Variants in YEATS4 observed in about 807,000 individuals in gnomAD.
The protein encoded by YEATS4 is YEATS domain-containing protein 4.
A neutral mutation model predicts 30.1 loss-of-function variants in YEATS4; 17 were observed. The ratio of observed to expected loss-of-function variants is 0.56; its 90% CI spans 0.39 to 0.85. YEATS4 has a LOEUF of 0.85. Among genes scored for constraint, YEATS4 ranks in the 40% least tolerant of loss-of-function variants. YEATS4 has a pLI of 0.00. For synonymous variants in YEATS4, 85 were observed against 87.5 expected, an observed-to-expected ratio of 0.97 and a Z score of 0.16; for missense variants, 142 against 268.3, an observed-to-expected ratio of 0.53 and a Z score of 3.29.
At chr12:69,425,901 T>C in the YEATS4 span, among the ~76,000 whole-genome samples, 1 of 152,204 alleles carries the variant, frequency 6.6e-6, no homozygotes, top group Non-Finnish European at 1.5e-5. Context: ...CCTGACTGAC[T>C]TCCTTTTTAC....
At chr12:69,371,857 C>G (rs755386776) in intron 6 of YEATS4, among the ~76,000 whole-genome samples, 1 of 152,152 alleles carries the variant, frequency 6.6e-6, no homozygotes, top group Non-Finnish European at 1.5e-5. Flanking sequence ...GTTTTAGATA[C>G]TGATATCAAA....
At chr12:69,413,791 G>T in the YEATS4 span, among the ~76,000 whole-genome samples, 1 of 150,254 alleles carries the variant, frequency 6.7e-6, no homozygotes, top group African/African-American at 2.5e-5. Context: ...AGCAGAGGTT[G>T]CAGTAAGCTG....
At chr12:69,388,089 G>A (rs537557544) in intron 6 of YEATS4, among the ~76,000 whole-genome samples, 4 of 148,450 alleles carry the variant, frequency 2.7e-5, no homozygotes, top group South Asian at 4.2e-4. Context: ...GCAGAGTCTC[G>A]CGCTGTCGCC....
chr12:69,426,546 CT>C, the YEATS4 span, among the ~76,000 whole-genome samples: 1 of 151,950 alleles, frequency 6.6e-6, no homozygotes, highest in African/African-American at 2.4e-5. Flanking sequence ...AATTTTTGTA[CT>C]TTTAGTAGAG....
chr12:69,394,945 G>A (rs1319821575), downstream of YEATS4, among the ~76,000 whole-genome samples: 1 of 151,880 alleles, frequency 6.6e-6, no homozygotes, highest in Non-Finnish European at 1.5e-5. Context: ...ACTTTTATTT[G>A]CTAACTCTAC....
the YEATS4 span, among the ~76,000 whole-genome samples, chr12:69,409,847 G>GA: frequency 1.3e-5 from 2 of 152,094 alleles, no homozygotes; most frequent in Non-Finnish European, 2.9e-5. Context: ...AATCCAATAT[G>GA]ACTGGTGTCC....
At chr12:69,390,078 T>C (rs1219051153) in intron 6 of YEATS4, 69 bp from the exon 7 acceptor site, 4 of 1,273,588 alleles carry the variant, frequency 3.1e-6, no homozygotes, top group Non-Finnish European at 4.2e-6. Flanking sequence ...AAATGCCATA[T>C]TTATTACCCT....
rs1875268885 is a variant in YEATS4, at chr12:69,362,731, C to G, written c.52-57C>G. On this transcript the variant is annotated intron_variant, in intron 1 of 6. Transcript: ENST00000247843. ...AAAGCAAGTTTTCAGAGCTCTTATTCTGCATATTTAGCTAATGGTACAATA... is the reference window on the plus strand; with the variant it reads ...AAAGCAAGTTTTCAGAGCTCTTATTGTGCATATTTAGCTAATGGTACAATA... 5.1e-6 allele frequency: 7 copies of G among 1,365,848 alleles called. No homozygotes were observed. In the East Asian group the frequency reaches 1.6e-4, roughly 32 times the overall value. 84.6% of individuals were successfully genotyped at this position (1,365,848 alleles called of 1,614,324 possible).
At chr12:69,371,371 T>G (rs1429302252) in intron 6 of YEATS4, among the ~76,000 whole-genome samples, 1 of 152,242 alleles carries the variant, frequency 6.6e-6, no homozygotes, top group Non-Finnish European at 1.5e-5. Flanking sequence ...ATCTTATATT[T>G]TTGCTGATGT....
At position 69,390,179 on chromosome 12, in the gene YEATS4, T is replaced by A; in HGVS notation, c.547T>A (p.Leu183Ile). The A allele has an allele frequency of 6.3e-7, 1 of 1,590,778 alleles. No homozygotes were observed. ...GCTTGAAGTGAAAACCAGAGAAAAATTAGAAGCTGCTAAGAAAAAAACAAG... is the reference window on the plus strand; with the variant it reads ...GCTTGAAGTGAAAACCAGAGAAAAAATAGAAGCTGCTAAGAAAAAAACAAG... Reference protein sequence around the residue: ...AELEVKTREKLEAAKKKTSFE... With the variant: ...AELEVKTREKIEAAKKKTSFE... The change falls in exon 7 of 7, where the codon TTA becomes ATA. Residue 183 changes from leucine (L) to isoleucine (I), a missense_variant. This residue lies in a region of YEATS4 where 53 missense variants were observed against 68.6 expected (regional missense o/e 0.77). Coordinates refer to ENST00000247843, the MANE Select transcript of YEATS4 (RefSeq NM_006530.4).
In YEATS4 at chr12:69,370,811, T is replaced by C. The variant is rs746860448; in HGVS notation, c.426+13T>C. 7 of 1,596,410 alleles carry C rather than the reference T, an allele frequency of 4.4e-6. No individual in the cohort carries two copies. Among genetic ancestry groups the C allele is most frequent in the Non-Finnish European group, 6.0e-6 (7 of 1,174,620 alleles). Reference sequence around the variant, plus strand: ...CTATGATGAAATGGTAAGAAGATTTTATAATGATAGTTTTAAAAGCATTTG... The same window carrying C: ...CTATGATGAAATGGTAAGAAGATTTCATAATGATAGTTTTAAAAGCATTTG... On this transcript the variant is annotated intron_variant, in intron 5 of 6. Transcript: ENST00000247843.
chr12:69,364,277 C>T (rs1035933628), intron 2 of YEATS4: 9 of 375,864 alleles, frequency 2.4e-5, no homozygotes, highest in African/African-American at 2.0e-4. Context: ...CATAGTAAGA[C>T]TCCATCTCTA....
At position 69,359,870 on chromosome 12, in the gene YEATS4, C is replaced by T. The variant is rs991429687; in HGVS notation, c.-103C>T. 6.9e-7 allele frequency: 1 copy of T among 1,453,446 alleles called. No individual in the cohort carries two copies. The highest frequency in any genetic ancestry group is 1.2e-5 in the South Asian group (1 of 81,064). 90.0% of individuals were successfully genotyped at this position (1,453,446 alleles called of 1,614,324 possible). On this transcript the variant is annotated 5_prime_UTR_variant, in exon 1 of 7. Transcript: ENST00000247843. Reference sequence around the variant, plus strand: ...TCGCCCTCCTTCGGCTAGAAACCCTCCGCCTGGGCCCGCGCGACAGGAGCG... The same window carrying T: ...TCGCCCTCCTTCGGCTAGAAACCCTTCGCCTGGGCCCGCGCGACAGGAGCG...
At chr12:69,404,103 A>G in the YEATS4 span, among the ~76,000 whole-genome samples, 4 of 152,026 alleles carry the variant, frequency 2.6e-5, no homozygotes, top group Admixed American at 6.6e-5. Flanking sequence ...TTTCACGCTA[A>G]TTGTCACAAG....
At chr12:69,412,967 A>G in the YEATS4 span, among the ~76,000 whole-genome samples, 63,090 of 151,980 alleles carry the variant, frequency 0.42, 14,217 homozygotes, top group East Asian at 0.62. Context: ...TGTGCAAAGA[A>G]AGACCTAGAA....
the YEATS4 span, among the ~76,000 whole-genome samples, chr12:69,424,526 C>A: frequency 6.6e-6 from 1 of 152,156 alleles, no homozygotes; most frequent in Non-Finnish European, 1.5e-5. Flanking sequence ...ATATGGTTTG[C>A]CTTTGCATCC....
At chr12:69,404,106 G>A in the YEATS4 span, among the ~76,000 whole-genome samples, 1 of 151,954 alleles carries the variant, frequency 6.6e-6, no homozygotes, top group South Asian at 2.1e-4. Context: ...CACGCTAATT[G>A]TCACAAGTCT....
chr12:69,371,588 A>C (rs113267456), intron 6 of YEATS4, among the ~76,000 whole-genome samples: 11 of 152,204 alleles, frequency 7.2e-5, no homozygotes, highest in Non-Finnish European at 4.4e-5. Context: ...GTTACTGTTC[A>C]GTCATTTCTT....
chr12:69,421,055 G>A, the YEATS4 span, among the ~76,000 whole-genome samples: 7 of 152,128 alleles, frequency 4.6e-5, no homozygotes, highest in East Asian at 3.9e-4. Flanking sequence ...ATGGGGTCTC[G>A]CTATGTTGCC....
Sources: gnomAD v4.1 joint callset for allele counts (sites outside exome capture counted in the v4.1 genomes callset) on GRCh38, gnomAD v4.1.1 for gene constraint, gnomAD v4.1.1 regional missense constraint, MANE v1.5 for transcripts, NCBI Gene and HGNC (gene_info 2026-07-23, HGNC 2026-07-21) for gene names.